Variants in ERC1 observed in about 807,000 individuals in gnomAD.
ERC1 encodes the protein ELKS/RAB6-interacting/CAST family member 1.
A neutral mutation model predicts 132.0 loss-of-function variants in ERC1; 56 were observed. The ratio of observed to expected loss-of-function variants is 0.42; its 90% CI spans 0.34 to 0.53. The LOEUF is 0.53. ERC1 is among the 20% of genes least tolerant of loss of function. The pLI is 0.03. For synonymous variants in ERC1, 478 were observed against 476.1 expected, an observed-to-expected ratio of 1.00 and a Z score of -0.05; for missense variants, 1,202 against 1,349.9, an observed-to-expected ratio of 0.89 and a Z score of 1.72.
Position 1,438,954 on chromosome 12 carries a change from A to AAATATATATAT in ERC1, c.3025-5607_3025-5606insATATATATATA, listed in dbSNP as rs1015181197. On this transcript the variant is annotated intron_variant, in intron 17 of 18. Transcript: ENST00000360905. Reference sequence around the variant, plus strand: ...GAGACCTTGTCTCAATTTAAAAAAAAATATATATATATATATAAAAAATGA... The same window carrying AAATATATATAT: ...GAGACCTTGTCTCAATTTAAAAAAAAAATATATATATATATATATATATATATAAAAAATGA... Among the ~76,000 whole-genome samples the AAATATATATAT allele has an allele frequency of 2.8e-5, 4 of 143,580 alleles. No individual in the cohort carries two copies. In the East Asian group the frequency reaches 5.9e-4, roughly 21 times the overall value. The allele number at this position is 143,580 out of a possible 152,430, so 94.2% of individuals were successfully genotyped here.
intron 2 of ERC1, among the ~76,000 whole-genome samples, chr12:1,074,452 C>T (rs1404619232): frequency 1.3e-5 from 2 of 152,070 alleles, no homozygotes; most frequent in African/African-American, 4.8e-5. Context: ...AGGATGCCAC[C>T]ATGTCCAGCT....
intron 1 of ERC1, among the ~76,000 whole-genome samples, chr12:1,025,943 C>T (rs1966862410): frequency 6.6e-6 from 1 of 152,000 alleles, no homozygotes. Flanking sequence ...ATTACAGGCA[C>T]CTGCCACCAT....
intron 14 of ERC1, among the ~76,000 whole-genome samples, chr12:1,279,743 C>T (rs1014665080): frequency 1.3e-4 from 19 of 151,068 alleles, no homozygotes; most frequent in African/African-American, 3.9e-4. Context: ...GGCCGGACTG[C>T]GGACTGCAGT....
At chr12:996,668 A>C (rs892844030) in intron 1 of ERC1, among the ~76,000 whole-genome samples, 9 of 152,132 alleles carry the variant, frequency 5.9e-5, no homozygotes, top group African/African-American at 1.9e-4. Flanking sequence ...ATGACTTCTT[A>C]TTGTTGTTGT....
chr12:1,065,253 G>A (rs974597355), intron 2 of ERC1, among the ~76,000 whole-genome samples: 3 of 152,048 alleles, frequency 2.0e-5, no homozygotes, highest in Non-Finnish European at 2.9e-5. Flanking sequence ...TGCTCACCTC[G>A]GCCTCCCAAA....
intron 18 of ERC1, among the ~76,000 whole-genome samples, chr12:1,481,259 T>C (rs2154431522): frequency 6.6e-6 from 1 of 152,140 alleles, no homozygotes; most frequent in Admixed American, 6.5e-5. Flanking sequence ...AGGTTGTGAA[T>C]AATCCATTTC....
intron 2 of ERC1, among the ~76,000 whole-genome samples, chr12:1,044,829 C>G (rs1485515044): frequency 6.6e-6 from 1 of 152,100 alleles, no homozygotes; most frequent in East Asian, 1.9e-4. Context: ...TTATCAGGAA[C>G]TTTGAGTAGA....
At chr12:1,159,221 T>C (rs1026982003) in intron 8 of ERC1, among the ~76,000 whole-genome samples, 2 of 152,184 alleles carry the variant, frequency 1.3e-5, no homozygotes, top group Non-Finnish European at 2.9e-5. Flanking sequence ...GGGACCAATT[T>C]TGTGGAATAC....
At chr12:1,199,110 T>TCA (rs1343614630) in intron 12 of ERC1, among the ~76,000 whole-genome samples, 2 of 149,160 alleles carry the variant, frequency 1.3e-5, no homozygotes, top group African/African-American at 2.5e-5. Flanking sequence ...ACACTGGGGA[T>TCA]CACAATTCAA....
At chr12:1,392,433 T>C (rs1410387871) in intron 16 of ERC1, among the ~76,000 whole-genome samples, 1 of 152,212 alleles carries the variant, frequency 6.6e-6, no homozygotes, top group Non-Finnish European at 1.5e-5. Flanking sequence ...GGTTGAATTT[T>C]AATGCTTACA....
chr12:1,368,870 A>G (rs1381257124), intron 15 of ERC1, among the ~76,000 whole-genome samples: 1 of 152,210 alleles, frequency 6.6e-6, no homozygotes, highest in East Asian at 1.9e-4. Context: ...AAAACATTTT[A>G]TTCTCTTGAC....
chr12:1,426,400 C>T (rs1361275917), intron 17 of ERC1, among the ~76,000 whole-genome samples: 1 of 152,094 alleles, frequency 6.6e-6, no homozygotes, highest in African/African-American at 2.4e-5. Context: ...CCACTTTGCC[C>T]GGCCTTTAGA....
intron 1 of ERC1, among the ~76,000 whole-genome samples, chr12:1,007,528 CTCTCTCTCTCTCTGTGTGTGTGTGTG>C (rs1963905804): frequency 2.7e-5 from 2 of 74,716 alleles, no homozygotes; most frequent in Non-Finnish European, 5.0e-5. Context: ...CTCTCTCTCT[CTCTCTCTCTCTCTGTGTGTGTGTGTG>C]TGTGTGTGTG....
At chr12:1,421,312 G>C (rs2092419077) in intron 17 of ERC1, among the ~76,000 whole-genome samples, 2 of 152,204 alleles carry the variant, frequency 1.3e-5, no homozygotes, top group South Asian at 4.1e-4. Flanking sequence ...GTAGAGAAAG[G>C]GTTTAATTAT....
At chr12:1,057,712 C>CCTTAGT (rs1420448313) in intron 2 of ERC1, among the ~76,000 whole-genome samples, 1 of 150,602 alleles carries the variant, frequency 6.6e-6, no homozygotes, top group African/African-American at 2.4e-5. Context: ...TCCCCTGCCT[C>CCTTAGT]AGCCTCCTTA....
At chr12:1,112,181 A>T in intron 5 of ERC1, 34 bp from the exon 6 acceptor site, 1 of 1,460,654 alleles carries the variant, frequency 6.8e-7, no homozygotes, top group Non-Finnish European at 9.6e-7. Context: ...CTAAGTTGAC[A>T]CATAAGTGAA....
At chr12:1,227,385 G>A (rs1392992394) in intron 12 of ERC1, among the ~76,000 whole-genome samples, 1 of 152,088 alleles carries the variant, frequency 6.6e-6, no homozygotes, top group South Asian at 2.1e-4. Context: ...GATGTTGAGC[G>A]TATTTTCACA....
intron 13 of ERC1, among the ~76,000 whole-genome samples, chr12:1,252,851 G>T (rs2076552340): frequency 6.6e-6 from 1 of 152,098 alleles, no homozygotes; most frequent in Middle Eastern, 3.2e-3. Context: ...CTGAGAAGTT[G>T]GTAAATGAAT....
At chr12:1,130,018 T>C (rs1948604650) in intron 7 of ERC1, among the ~76,000 whole-genome samples, 1 of 152,244 alleles carries the variant, frequency 6.6e-6, no homozygotes, top group Non-Finnish European at 1.5e-5. Context: ...GAAGAGCTTG[T>C]CTGTTGCTTC....
Sources: gnomAD v4.1 joint callset for allele counts (sites outside exome capture counted in the v4.1 genomes callset) on GRCh38, gnomAD v4.1.1 for gene constraint, MANE v1.5 for transcripts, NCBI Gene and HGNC (gene_info 2026-07-23, HGNC 2026-07-21) for gene names.